KALRN: variants seen among roughly 807,000 people sequenced by gnomAD.
The protein encoded by KALRN is kalirin.
Under a neutral mutation model 353.7 loss-of-function variants are expected in KALRN, and 70 were observed. That is an observed-to-expected ratio of 0.20 (90% CI 0.16 to 0.24). KALRN has a LOEUF of 0.24. Among genes scored for constraint, KALRN ranks in the 10% least tolerant of loss-of-function variants. The probability of loss-of-function intolerance (pLI) is 1.00; values close to 1 mark genes in which losing one functional copy is unlikely to be tolerated. For missense variants in KALRN, 2,791 were observed against 3,756.7 expected (o/e 0.74, Z 6.72); for synonymous variants, 1,391 against 1,434.8 (o/e 0.97, Z 0.69).
intron 1 of KALRN, chr3:124,096,759 ATAT>A (rs2061475509): frequency 6.6e-6 from 1 of 152,202 alleles, no homozygotes; most frequent in Non-Finnish European, 1.5e-5. Flanking sequence ...AAAAATTGGA[ATAT>A]TAATAATAAT....
chr3:124,401,709 C>T (rs1237767883), intron 13 of KALRN, among the ~76,000 whole-genome samples: 1 of 152,018 alleles, frequency 6.6e-6, no homozygotes, highest in Non-Finnish European at 1.5e-5. Flanking sequence ...CCGGATTTTA[C>T]AAGGGGTCTT....
chr3:124,118,639 T>C (rs1450347253), intron 1 of KALRN, among the ~76,000 whole-genome samples: 1 of 152,212 alleles, frequency 6.6e-6, no homozygotes, highest in Non-Finnish European at 1.5e-5. Context: ...TTAGGCCACA[T>C]GTAAATGCCA....
intron 10 of KALRN, among the ~76,000 whole-genome samples, chr3:124,356,478 T>G (rs953024639): frequency 1.3e-5 from 2 of 151,742 alleles, no homozygotes; most frequent in Admixed American, 1.3e-4. Flanking sequence ...GGATTACAGG[T>G]GCCCGCCACC....
chr3:124,678,608 G>C (rs1392690137), intron 50 of KALRN: 1 of 217,048 alleles, frequency 4.6e-6, no homozygotes, highest in Non-Finnish European at 9.3e-6. Context: ...AATGTGAGAT[G>C]CTTGATTCAT....
chr3:124,654,420 C>T (rs983290447), intron 38 of KALRN, among the ~76,000 whole-genome samples: 1 of 152,162 alleles, frequency 6.6e-6, no homozygotes, highest in Admixed American at 6.5e-5. Context: ...AAATGGTTAC[C>T]ACCCTTGTGC....
At chr3:124,184,294 G>C (rs1428149203) in intron 1 of KALRN, among the ~76,000 whole-genome samples, 1 of 152,182 alleles carries the variant, frequency 6.6e-6, no homozygotes, top group African/African-American at 2.4e-5. Context: ...TCATAATGTT[G>C]TTGTAAGGAT....
intron 37 of KALRN, among the ~76,000 whole-genome samples, chr3:124,637,917 G>A (rs887616773): frequency 6.6e-6 from 1 of 152,228 alleles, no homozygotes; most frequent in African/African-American, 2.4e-5. Context: ...GGAGGGATAG[G>A]TGATGAGTCT....
At chr3:124,219,764 T>G (rs1026949889) in intron 1 of KALRN, among the ~76,000 whole-genome samples, 3 of 151,940 alleles carry the variant, frequency 2.0e-5, no homozygotes, top group Non-Finnish European at 4.4e-5. Flanking sequence ...AGGAAGACTG[T>G]GGGGGGTTGG....
At chr3:124,537,715 G>T (rs967064425) in intron 33 of KALRN, among the ~76,000 whole-genome samples, 5 of 152,238 alleles carry the variant, frequency 3.3e-5, no homozygotes, top group African/African-American at 1.2e-4. Context: ...GCATAGGTGA[G>T]ATTTGGCGTG....
intron 1 of KALRN, among the ~76,000 whole-genome samples, chr3:124,205,204 G>A (rs542802585): frequency 3.9e-5 from 6 of 152,262 alleles, no homozygotes; most frequent in African/African-American, 1.4e-4. Flanking sequence ...GATTTCTATT[G>A]TGTAAATACT....
intron 1 of KALRN, among the ~76,000 whole-genome samples, chr3:124,113,826 A>G (rs1407136848): frequency 6.6e-6 from 1 of 152,240 alleles, no homozygotes; most frequent in East Asian, 1.9e-4. Context: ...TAATAAATAC[A>G]TGAACTGGCA....
chr3:124,472,450 G>C (rs2061014398), intron 25 of KALRN, among the ~76,000 whole-genome samples: 1 of 152,204 alleles, frequency 6.6e-6, no homozygotes, highest in South Asian at 2.1e-4. Flanking sequence ...AGCACTTTGA[G>C]AGGCCAAGGC....
intron 5 of KALRN, among the ~76,000 whole-genome samples, chr3:124,277,270 G>A (rs1007490286): frequency 6.6e-6 from 1 of 152,160 alleles, no homozygotes; most frequent in Non-Finnish European, 1.5e-5. Context: ...AGGCCTTTAC[G>A]GGGTGGTTGT....
At position 124,717,411 on chromosome 3, in the gene KALRN, G is replaced by A. The variant is rs200791618; in HGVS notation, c.8415+26G>A. 6.8e-4 allele frequency: 1,053 copies of A among 1,557,670 alleles called. 9 individuals are homozygous for A. The highest frequency in any genetic ancestry group is 6.5e-3 in the South Asian group (541 of 82,668). ...GTAATAAGAAGTGGCAACCTGCTGG[G>A]CGCAGTGGCTCACGCCTGAAATCCC... On this transcript the variant is annotated intron_variant, in intron 59 of 59. Transcript: ENST00000682506.
At chr3:124,208,980 T>TC (rs1446425048) in intron 1 of KALRN, among the ~76,000 whole-genome samples, 5 of 151,352 alleles carry the variant, frequency 3.3e-5, no homozygotes, top group Admixed American at 6.6e-5. Flanking sequence ...ATAATAATAA[T>TC]AATAATCATC....
intron 1 of KALRN, among the ~76,000 whole-genome samples, chr3:124,083,706 G>A (rs1462121285): frequency 6.6e-6 from 1 of 152,194 alleles, no homozygotes; most frequent in African/African-American, 2.4e-5. Context: ...AGTTGGCTGC[G>A]GAGCCTTAGT....
chr3:124,516,636 T>TTAA (rs1554016127), intron 33 of KALRN, among the ~76,000 whole-genome samples: 17 of 118,810 alleles, frequency 1.4e-4, no homozygotes, highest in Non-Finnish European at 2.6e-4. Flanking sequence ...AGCACATCTA[T>TTAA]AAAAAAAAAA....
chr3:124,151,874 G>A, intron 1 of KALRN: 1 of 528,076 alleles, frequency 1.9e-6, no homozygotes, highest in Non-Finnish European at 3.4e-6. Context: ...GAGAAAGAGA[G>A]GTTATTATTA....
At chr3:124,259,061 G>T (rs1409988453) in intron 3 of KALRN, among the ~76,000 whole-genome samples, 1 of 152,210 alleles carries the variant, frequency 6.6e-6, no homozygotes, top group Non-Finnish European at 1.5e-5. Context: ...GGAAAAACTT[G>T]TAAGAGACTG....
Sources: gnomAD v4.1 joint callset for allele counts (sites outside exome capture counted in the v4.1 genomes callset) on GRCh38, gnomAD v4.1.1 for gene constraint, MANE v1.5 for transcripts, NCBI Gene and HGNC (gene_info 2026-07-23, HGNC 2026-07-21) for gene names.